The following KYNU variants were observed in gnomAD, a reference collection of about 807,000 sequenced individuals.
KYNU encodes the protein kynureninase.
Under a neutral mutation model 59.2 loss-of-function variants are expected in KYNU, and 54 were observed. The observed-to-expected ratio is 0.91, with a 90% CI of 0.73 to 1.14. The LOEUF (loss-of-function observed/expected upper bound fraction) is 1.14, where lower values mean the gene tolerates loss of function less well. KYNU is among the 50% of genes most tolerant of loss of function. The probability of loss-of-function intolerance (pLI) is 0.00; values close to 1 mark genes in which losing one functional copy is unlikely to be tolerated. For missense variants in KYNU, 567 were observed against 554.4 expected (o/e 1.02, Z -0.23); for synonymous variants, 177 against 192.0 (o/e 0.92, Z 0.65).
intron 8 of KYNU, among the ~76,000 whole-genome samples, chr2:142,971,812 C>T (rs540190859): frequency 4.7e-4 from 71 of 152,312 alleles, no homozygotes; most frequent in African/African-American, 1.6e-3. Flanking sequence ...TAAAAAGAAT[C>T]AGAAGCTTCT....
chr2:143,007,070 G>A lies in KYNU; in HGVS notation c.902+21049G>A, dbSNP rs529820583. On this transcript the variant is annotated intron_variant, in intron 10 of 13. Coordinates refer to ENST00000264170, the MANE Select transcript of KYNU (RefSeq NM_003937.3). Reference sequence around the variant, plus strand: ...AAGCTGGATGGAGAATGACTTTGACGAGCTGAGAGAAGAAGGCTTCAGACG... The same window carrying A: ...AAGCTGGATGGAGAATGACTTTGACAAGCTGAGAGAAGAAGGCTTCAGACG... 1.9e-3 allele frequency among the ~76,000 whole-genome samples: 294 copies of A among 152,214 alleles called. 1 individual carries two copies. The highest frequency in any genetic ancestry group is 6.8e-3 in the African/African-American group (282 of 41,520).
intron 8 of KYNU, among the ~76,000 whole-genome samples, chr2:142,968,390 G>C (rs375932269): frequency 6.6e-6 from 1 of 152,114 alleles, no homozygotes; most frequent in Non-Finnish European, 1.5e-5. Flanking sequence ...TTTAGAAAAG[G>C]GAGGACAAGT....
rs1338731014 is a variant in KYNU, at chr2:143,034,529, TTC to T, written c.1041+1210_1041+1211del. ...GGATAGTGATCATCACCTCATTTCA[TTC>T]TGTCTCAATTTAAAGCGCACCTACT... On this transcript the variant is annotated intron_variant, in intron 12 of 13. Coordinates refer to ENST00000264170, the MANE Select transcript of KYNU (RefSeq NM_003937.3). Among the ~76,000 whole-genome samples the T allele has an allele frequency of 1.2e-4, 18 of 152,342 alleles. 1 individual carries two copies. In the South Asian group the frequency reaches 1.4e-3, roughly 12 times the overall value.
chr2:142,883,543 A>C (rs1274122015), intron 1 of KYNU, among the ~76,000 whole-genome samples: 1 of 151,570 alleles, frequency 6.6e-6, no homozygotes, highest in Non-Finnish European at 1.5e-5. Flanking sequence ...TTTGCATATC[A>C]CAGTTTGTCA....
chr2:142,908,368 T>C (rs1310012195), intron 2 of KYNU, among the ~76,000 whole-genome samples: 1 of 152,148 alleles, frequency 6.6e-6, no homozygotes, highest in Non-Finnish European at 1.5e-5. Flanking sequence ...GTAAGCTACC[T>C]TCTGTGACCT....
Position 143,042,270 on chromosome 2 carries a change from G to A in KYNU, c.*98G>A, listed in dbSNP as rs1687078609. 3 of 1,170,534 alleles carry A rather than the reference G, an allele frequency of 2.6e-6. No individual in the cohort carries two copies. The highest frequency in any genetic ancestry group is 1.8e-5 in the Admixed American group (1 of 56,212). The allele number at this position is 1,170,534 out of a possible 1,614,324, so 72.5% of individuals were successfully genotyped here. The stretch of plus-strand genomic sequence containing the variant: ...TAATTATTGAAAGTATGTCACCATT[G>A]ACCACATGTAACTAACAATAAATAA... On this transcript the variant is annotated 3_prime_UTR_variant, in exon 14 of 14. Transcript: ENST00000264170.
At chr2:142,939,742 A>T (rs1371704512) in intron 4 of KYNU, among the ~76,000 whole-genome samples, 1 of 152,236 alleles carries the variant, frequency 6.6e-6, no homozygotes, top group Non-Finnish European at 1.5e-5. Context: ...GTTAAAAATA[A>T]GTAAATAGAA....
At chr2:142,919,825 A>T (rs1033999329) in intron 3 of KYNU, among the ~76,000 whole-genome samples, 1 of 152,200 alleles carries the variant, frequency 6.6e-6, no homozygotes, top group Non-Finnish European at 1.5e-5. Context: ...TAATCCCAGC[A>T]CTTTGGGAAG....
rs570787002 is a variant in KYNU, at chr2:142,943,837, A to G, written c.374-10973A>G. On this transcript the variant is annotated intron_variant, in intron 4 of 13. Coordinates refer to ENST00000264170, the MANE Select transcript of KYNU (RefSeq NM_003937.3). ...TTTGTTACTTGAAAAATGGAATGTA[A>G]AGTTCTTGGACTTAGCCTAATTACA... Among the ~76,000 whole-genome samples the G allele has an allele frequency of 5.1e-4, 77 of 152,288 alleles. 1 individual carries two copies. The highest frequency in any genetic ancestry group is 5.0e-3 in the South Asian group (24 of 4,828).
chr2:142,885,585 G>C, intron 2 of KYNU, 49 bp downstream of exon 2: 3 of 1,398,690 alleles, frequency 2.1e-6, no homozygotes, highest in Non-Finnish European at 3.0e-6. Flanking sequence ...ATTTATTTTT[G>C]CTACTGCATG....
At chr2:142,954,077 T>C (rs1475477262) in intron 4 of KYNU, 3 of 152,174 alleles carry the variant, frequency 2.0e-5, no homozygotes, top group African/African-American at 7.2e-5. Flanking sequence ...GGTATTATTA[T>C]TGTTGTGATT....
chr2:143,020,298 T>C (rs1213605113), intron 10 of KYNU, among the ~76,000 whole-genome samples: 1 of 152,142 alleles, frequency 6.6e-6, no homozygotes, highest in Admixed American at 6.5e-5. Flanking sequence ...CTGATTTTGC[T>C]GTATCCCATA....
intron 11 of KYNU, among the ~76,000 whole-genome samples, chr2:143,032,202 C>T (rs150135958): frequency 0.029 from 4,418 of 151,818 alleles, 217 homozygotes; most frequent in African/African-American, 0.099. Flanking sequence ...GGCGTGAACC[C>T]GTGAGGCGGA....
chr2:143,030,965 T>C (rs1686721922), intron 11 of KYNU, among the ~76,000 whole-genome samples: 1 of 152,210 alleles, frequency 6.6e-6, no homozygotes, highest in South Asian at 2.1e-4. Flanking sequence ...ATTTATTGAA[T>C]ACTATACTAA....
rs1435491054 is a variant in KYNU at position 142,899,335 on chromosome 2, G to C, written c.169+13799G>C. ...ACTGTTTCTTTACCTCCTGCTTTTA[G>C]CCTAATTTGTGTTTCAGTGAGCCCT... On this transcript the variant is annotated intron_variant, in intron 2 of 13. Transcript: ENST00000264170. Among the ~76,000 whole-genome samples, 4 of 152,096 alleles carry C rather than the reference G, an allele frequency of 2.6e-5. No individual in the cohort carries two copies. In the East Asian group the frequency reaches 7.7e-4, roughly 29 times the overall value.
At chr2:143,016,050 A>G (rs1322635118) in intron 10 of KYNU, among the ~76,000 whole-genome samples, 1 of 152,224 alleles carries the variant, frequency 6.6e-6, no homozygotes. Flanking sequence ...CTGCAAGTCT[A>G]AACAACAACC....
At chr2:142,948,762 C>T (rs1423576681) in intron 4 of KYNU, among the ~76,000 whole-genome samples, 1 of 152,110 alleles carries the variant, frequency 6.6e-6, no homozygotes, top group Non-Finnish European at 1.5e-5. Context: ...CATATCATTC[C>T]ACCTTTGGCC....
At chr2:143,000,197 G>T (rs1219915488) in intron 10 of KYNU, among the ~76,000 whole-genome samples, 2 of 152,068 alleles carry the variant, frequency 1.3e-5, no homozygotes, top group African/African-American at 2.4e-5. Flanking sequence ...ATGTGAGTCT[G>T]TATTTATGAC....
At position 142,985,974 on chromosome 2, in the gene KYNU, T is replaced by G. The variant is rs751519366; in HGVS notation, c.855T>G (p.Ile285Met). 26 of 1,610,148 alleles carry G rather than the reference T, an allele frequency of 1.6e-5. No homozygotes were observed. Among genetic ancestry groups the G allele is most frequent in the Non-Finnish European group, 1.8e-5 (21 of 1,177,320 alleles). Residue 285 changes from isoleucine to methionine, a missense_variant, in exon 10 of 14, where the codon ATT becomes ATG. Coordinates refer to ENST00000264170, the MANE Select transcript of KYNU (RefSeq NM_003937.3). The stretch of plus-strand genomic sequence containing the variant: ...ATTTAAATGCAGGAGCAGGAGGAAT[T>G]GCTGGTGCCTTCATTCATGAAAAGC... The part of the protein sequence containing the change: ...YKYLNAGAGG[I>M]AGAFIHEKHA...
Sources: allele counts gnomAD v4.1 joint callset (sites outside exome capture counted in the v4.1 genomes callset), GRCh38; gene constraint gnomAD v4.1.1; transcripts MANE v1.5; gene names NCBI Gene and HGNC (gene_info 2026-07-23, HGNC 2026-07-21).